IL1RAPL1: variants seen among roughly 807,000 people sequenced by gnomAD.
IL1RAPL1 encodes the protein interleukin-1 receptor accessory protein-like 1.
Under a neutral mutation model 48.4 loss-of-function variants are expected in IL1RAPL1, and 3 were observed. That is an observed-to-expected ratio of 0.06 (90% CI 0.03 to 0.16). The LOEUF (loss-of-function observed/expected upper bound fraction) is 0.16, where lower values mean the gene tolerates loss of function less well. Ranked by LOEUF, IL1RAPL1 falls within the 10% of genes least tolerant of loss-of-function variation. IL1RAPL1 has a pLI of 1.00. For missense variants in IL1RAPL1, 349 were observed against 530.6 expected (o/e 0.66, Z 3.36); for synonymous variants, 185 against 187.7 (o/e 0.99, Z 0.12).
chrX:28,784,023 A>T lies in IL1RAPL1; in HGVS notation c.-24-5297A>T, dbSNP rs1936449555. Among the ~76,000 whole-genome samples the T allele has an allele frequency of 2.7e-5, 3 of 112,289 alleles. No homozygotes were observed. In the South Asian group the frequency reaches 1.1e-3, roughly 41 times the overall value. On this transcript the variant is annotated intron_variant, in intron 1 of 10. Transcript: ENST00000378993. Reference sequence around the variant, plus strand: ...TCATGATAGGCACTCCATAATTAAAAAAACAAATGTATACATAACTTTATA... The same window carrying T: ...TCATGATAGGCACTCCATAATTAAATAAACAAATGTATACATAACTTTATA...
chrX:29,090,022 C>T (rs891187026), intron 2 of IL1RAPL1, among the ~76,000 whole-genome samples: 2 of 106,540 alleles, frequency 1.9e-5, no homozygotes, highest in Non-Finnish European at 3.9e-5. Flanking sequence ...TCAACAGAAC[C>T]GGTCACTATG....
At chrX:29,521,393 T>C (rs899353402) in intron 5 of IL1RAPL1, among the ~76,000 whole-genome samples, 2 of 111,801 alleles carry the variant, frequency 1.8e-5, no homozygotes, top group African/African-American at 6.5e-5. Context: ...TATGCCTTAA[T>C]TGGTTCTCTA....
chrX:29,397,477 T>C (rs1933932588), intron 4 of IL1RAPL1, among the ~76,000 whole-genome samples: 1 of 112,635 alleles, frequency 8.9e-6, no homozygotes, highest in Non-Finnish European at 1.9e-5. Context: ...TCAAGGGAAC[T>C]GTTGGAAGAT....
chrX:29,381,190 T>G lies in IL1RAPL1; in HGVS notation c.363-15068T>G, dbSNP rs1484010952. ...GACACACACATGCATACAAAAAAAT[T>G]AATAGCTTTGTGTAAAATCTCTCAA... On this transcript the variant is annotated intron_variant, in intron 3 of 10. Coordinates refer to ENST00000378993, the MANE Select transcript of IL1RAPL1 (RefSeq NM_014271.4). Among the ~76,000 whole-genome samples the G allele has an allele frequency of 1.4e-3, 150 of 109,906 alleles. 3 individuals carry two copies. In the Admixed American group the frequency reaches 0.015, roughly 11 times the overall value.
intron 2 of IL1RAPL1, among the ~76,000 whole-genome samples, chrX:29,112,449 ATG>A (rs1373396944): frequency 1.9e-5 from 2 of 104,211 alleles, no homozygotes; most frequent in African/African-American, 7.2e-5. Flanking sequence ...GAGTCTTTGA[ATG>A]GTGTGAGTGA....
chrX:28,603,145 C>T (rs1244112437), intron 1 of IL1RAPL1, among the ~76,000 whole-genome samples: 1 of 111,779 alleles, frequency 8.9e-6, no homozygotes, highest in Non-Finnish European at 1.9e-5. Context: ...TTGTAGGCAA[C>T]ATATTTGTGT....
At chrX:29,559,191 T>C (rs907661607) in intron 5 of IL1RAPL1, among the ~76,000 whole-genome samples, 1 of 111,944 alleles carries the variant, frequency 8.9e-6, no homozygotes, top group South Asian at 3.7e-4. Flanking sequence ...AACTCAGTCA[T>C]GTTTTAATTT....
chrX:29,909,017 T>C (rs1311450540), intron 6 of IL1RAPL1, among the ~76,000 whole-genome samples: 2 of 111,763 alleles, frequency 1.8e-5, no homozygotes, highest in Non-Finnish European at 3.8e-5. Flanking sequence ...ATCAGCTTTT[T>C]AAAACATCTC....
chrX:29,279,246 A>C (rs1932163257), intron 2 of IL1RAPL1, among the ~76,000 whole-genome samples: 1 of 110,904 alleles, frequency 9.0e-6, no homozygotes, highest in African/African-American at 3.3e-5. Flanking sequence ...TGCCAGTCTG[A>C]CCAACATGGT....
chrX:28,915,440 C>T (rs773538466), intron 2 of IL1RAPL1, among the ~76,000 whole-genome samples: 1 of 111,860 alleles, frequency 8.9e-6, no homozygotes, highest in South Asian at 3.7e-4. Context: ...TGTATCTTGG[C>T]CCCAATGCTA....
At position 29,032,704 on chromosome X, in the gene IL1RAPL1, A is replaced by AGCTT. The variant is rs1473532374; in HGVS notation, c.82+243282_82+243285dup. Among the ~76,000 whole-genome samples the AGCTT allele has an allele frequency of 3.6e-5, 4 of 111,775 alleles. No homozygotes were observed. In the East Asian group the frequency reaches 1.1e-3, roughly 32 times the overall value. On this transcript the variant is annotated intron_variant, in intron 2 of 10. Coordinates refer to ENST00000378993, the MANE Select transcript of IL1RAPL1 (RefSeq NM_014271.4). Reference sequence around the variant, plus strand: ...GTGCTTAATCTCCATTTTTTCTTCTAGCTTGCATGCATGCATGAGCGTGCG... The same window carrying AGCTT: ...GTGCTTAATCTCCATTTTTTCTTCTAGCTTGCTTGCATGCATGCATGAGCGTGCG...
intron 2 of IL1RAPL1, among the ~76,000 whole-genome samples, chrX:29,240,335 A>G (rs914226226): frequency 1.0e-5 from 1 of 97,038 alleles, no homozygotes; most frequent in African/African-American, 3.9e-5. Context: ...CCCAGGTTCA[A>G]GCGATTTTCC....
intron 5 of IL1RAPL1, among the ~76,000 whole-genome samples, chrX:29,659,738 C>A (rs57360198): frequency 0.098 from 10,859 of 111,287 alleles, 431 homozygotes; most frequent in Middle Eastern, 0.21. Context: ...GATTCTCCTA[C>A]CTCAGCCTCC....
chrX:29,019,586 T>A (rs1183808416), intron 2 of IL1RAPL1, among the ~76,000 whole-genome samples: 1 of 110,967 alleles, frequency 9.0e-6, no homozygotes, highest in Non-Finnish European at 1.9e-5. Flanking sequence ...CATTGTGGGG[T>A]GACAATGGGG....
chrX:29,567,127 A>G (rs1165985366), intron 5 of IL1RAPL1, among the ~76,000 whole-genome samples: 1 of 111,200 alleles, frequency 9.0e-6, no homozygotes, highest in Non-Finnish European at 1.9e-5. Flanking sequence ...TTGAATGCCC[A>G]GTATGATAAG....
intron 5 of IL1RAPL1, among the ~76,000 whole-genome samples, chrX:29,402,785 A>C (rs865896263): frequency 9.4e-6 from 1 of 106,563 alleles, no homozygotes; most frequent in East Asian, 3.0e-4. Flanking sequence ...ACTGTTTTAC[A>C]TTTTTTTTTA....
At chrX:28,935,475 G>A (rs1015646298) in intron 2 of IL1RAPL1, among the ~76,000 whole-genome samples, 2 of 111,466 alleles carry the variant, frequency 1.8e-5, no homozygotes, top group East Asian at 5.6e-4. Context: ...AGTTCTACTC[G>A]TTGACTTATG....
At chrX:28,885,185 T>C (rs1922598670) in intron 2 of IL1RAPL1, among the ~76,000 whole-genome samples, 1 of 111,579 alleles carries the variant, frequency 9.0e-6, no homozygotes, top group Non-Finnish European at 1.9e-5. Context: ...TTCATTTACA[T>C]ATCTATGGAC....
At chrX:29,393,245 T>C (rs1047091799) in intron 3 of IL1RAPL1, among the ~76,000 whole-genome samples, 15 of 111,628 alleles carry the variant, frequency 1.3e-4, no homozygotes, top group East Asian at 2.8e-4. Context: ...CCTCAGCCTC[T>C]CGAGTAGCTG....
Sources: allele counts gnomAD v4.1 joint callset (sites outside exome capture counted in the v4.1 genomes callset), GRCh38; gene constraint gnomAD v4.1.1; transcripts MANE v1.5; gene names NCBI Gene and HGNC (gene_info 2026-07-23, HGNC 2026-07-21).